MIS18BP1: variants seen among roughly 807,000 people sequenced by gnomAD.
MIS18BP1 encodes the protein MIS18 binding protein 1.
In MIS18BP1, 72 loss-of-function variants were observed where a neutral mutation model predicts 116.1. The ratio of observed to expected loss-of-function variants is 0.62; its 90% confidence interval spans 0.51 to 0.75. MIS18BP1 has a LOEUF of 0.75. Ranked by LOEUF, MIS18BP1 falls within the 30% of genes least tolerant of loss-of-function variation. MIS18BP1 has a pLI of 0.00. For synonymous variants in MIS18BP1, 386 were observed against 427.0 expected, an observed-to-expected ratio of 0.90 and a Z score of 1.18; for missense variants, 1,363 against 1,303.2, an observed-to-expected ratio of 1.05 and a Z score of -0.71.
intron 14 of MIS18BP1, among the ~76,000 whole-genome samples, chr14:45,207,113 A>G (rs2139137084): frequency 6.6e-6 from 1 of 152,310 alleles, no homozygotes; most frequent in East Asian, 1.9e-4. Context: ...TTAAAAGCCA[A>G]GTAGAATTGT....
chr14:45,220,573 T>A (rs1457540715), intron 11 of MIS18BP1, among the ~76,000 whole-genome samples: 4 of 152,178 alleles, frequency 2.6e-5, no homozygotes, highest in African/African-American at 9.7e-5. Context: ...CAGAATGTCA[T>A]ATAAATGGAA....
Position 45,242,992 on chromosome 14 carries a change from T to C in MIS18BP1, c.545-118A>G, listed in dbSNP as rs1183707122. 4 of 636,760 alleles carry C rather than the reference T, an allele frequency of 6.3e-6. No homozygotes were observed. The South Asian group carries it at 6.8e-5, about 11-fold the overall frequency. The allele number at this position is 636,760 out of a possible 1,614,324, so 39.4% of individuals were successfully genotyped here. Reference sequence around the variant, plus strand: ...AGATTTAGTAATGATCAGACCAGTATAGTACTTTTGCAATATATGACAGTT... The same window carrying C: ...AGATTTAGTAATGATCAGACCAGTACAGTACTTTTGCAATATATGACAGTT... On this transcript the variant is annotated intron_variant, in intron 2 of 16. Transcript: ENST00000310806.
chr14:45,220,775 C>A (rs1386546168), intron 11 of MIS18BP1, among the ~76,000 whole-genome samples: 1 of 152,142 alleles, frequency 6.6e-6, no homozygotes, highest in African/African-American at 2.4e-5. Flanking sequence ...CATAGCAACC[C>A]TTTAAAGTTG....
Position 45,242,558 on chromosome 14 carries a change from A to G in MIS18BP1, c.659-40T>C. 1.9e-6 allele frequency: 3 copies of G among 1,539,114 alleles called. No homozygotes were observed. The South Asian group carries it at 3.9e-5, about 20-fold the overall frequency. ...AAACAAAACAAAACAAAACAATTAT[A>G]GAAGGATCACAGGAAATTAAAAGAG... On this transcript the variant is annotated intron_variant, in intron 3 of 16. Coordinates refer to ENST00000310806, the MANE Select transcript of MIS18BP1 (RefSeq NM_018353.5).
chr14:45,253,134 G>C lies in MIS18BP1; in HGVS notation c.-191C>G, dbSNP rs1891928768. The C allele has an allele frequency of 6.6e-6, 1 of 152,310 alleles. No individual in the cohort carries two copies. The highest frequency in any genetic ancestry group is 1.5e-5 in the Non-Finnish European group (1 of 68,086). The allele number at this position is 152,310 out of a possible 1,614,324, so 9.4% of individuals were successfully genotyped here. A position where few individuals can be genotyped will look rare whatever the true frequency, so the allele number is the denominator to read the frequency against. ...CGCCGGGCTCGCGCCTCAGGCCCAC[G>C]GTGTATCCTGCCCGCGGCGGCCAGG... On this transcript the variant is annotated 5_prime_UTR_variant, in exon 1 of 17. Coordinates refer to ENST00000310806, the MANE Select transcript of MIS18BP1 (RefSeq NM_018353.5).
intron 8 of MIS18BP1, among the ~76,000 whole-genome samples, chr14:45,229,088 A>G (rs757068840): frequency 3.9e-5 from 6 of 152,074 alleles, no homozygotes; most frequent in Non-Finnish European, 7.4e-5. Flanking sequence ...TGATGCAATC[A>G]TAACAGAATA....
At chr14:45,241,600 T>C (rs1170167280) in intron 4 of MIS18BP1, 1 of 155,346 alleles carries the variant, frequency 6.4e-6, no homozygotes, top group African/African-American at 2.4e-5. Flanking sequence ...TTTAATGCTC[T>C]AAAGTCTTTC....
intron 1 of MIS18BP1, chr14:45,250,285 A>C (rs900172033): frequency 6.6e-6 from 1 of 152,202 alleles, no homozygotes; most frequent in African/African-American, 2.4e-5. Context: ...ATATAAGCCA[A>C]GAAAAAAATC....
chr14:45,252,891 G>T (rs1030344857), intron 1 of MIS18BP1, 144 bp downstream of exon 1: 1 of 152,210 alleles, frequency 6.6e-6, no homozygotes, highest in Non-Finnish European at 1.5e-5. Flanking sequence ...AACATCGAGT[G>T]CGAAGTATAA....
intron 4 of MIS18BP1, among the ~76,000 whole-genome samples, chr14:45,240,211 G>A (rs1278409754): frequency 6.6e-6 from 1 of 152,024 alleles, no homozygotes; most frequent in African/African-American, 2.4e-5. Flanking sequence ...GGGCTGATCT[G>A]CAGTAATTCC....
rs1204388491 is a variant in MIS18BP1, at chr14:45,232,727, T to C, written c.1436+6A>G. On this transcript the variant is annotated splice_donor_region_variant and intron_variant, in intron 7 of 16. Transcript: ENST00000310806. ...TGACTTCTAAAAACATAAAACAACA[T>C]TTTACCTTAATTGTTCCAGAAAATT... 4.3e-6 allele frequency: 6 copies of C among 1,398,722 alleles called. No individual in the cohort carries two copies. The highest frequency in any genetic ancestry group is 5.9e-6 in the Non-Finnish European group (6 of 1,019,790). The allele number at this position is 1,398,722 out of a possible 1,614,324, so 86.6% of individuals were successfully genotyped here.
At chr14:45,244,310 A>G (rs1224088943) in intron 2 of MIS18BP1, among the ~76,000 whole-genome samples, 1 of 152,214 alleles carries the variant, frequency 6.6e-6, no homozygotes, top group Admixed American at 6.5e-5. Context: ...CATGTAAAAT[A>G]TCTTTCATTA....
intron 1 of MIS18BP1, among the ~76,000 whole-genome samples, chr14:45,252,366 AAAGT>A (rs1384086186): frequency 6.6e-6 from 1 of 152,232 alleles, no homozygotes; most frequent in African/African-American, 2.4e-5. Flanking sequence ...ATTGAAAAAG[AAAGT>A]AACAACATAG....
rs1186721034 is a variant in MIS18BP1 at position 45,228,762 on chromosome 14, T to C, written c.1595-948A>G. ...AGGAAGCTTCTATTATGATAGGTCATTTATCATATACTCTGGTAAGTGTAA... is the reference window on the plus strand; with the variant it reads ...AGGAAGCTTCTATTATGATAGGTCACTTATCATATACTCTGGTAAGTGTAA... On this transcript the variant is annotated intron_variant, in intron 8 of 16. Transcript: ENST00000310806. 2.0e-5 allele frequency among the ~76,000 whole-genome samples: 3 copies of C among 152,238 alleles called. No individual in the cohort carries two copies. The East Asian group carries it at 5.8e-4, about 29-fold the overall frequency.
At position 45,235,872 on chromosome 14, in the gene MIS18BP1, T is replaced by C. The variant is rs746396392; in HGVS notation, c.1290A>G (p.Ile430Met). ...ERIEHNKLRT[I>M]SGNVYILKGM... ...CTTTTAATATATAAACGTTGCCTGATATAGTCCTAAGTTTGTTGTGCTCAA... is the reference window on the plus strand; with the variant it reads ...CTTTTAATATATAAACGTTGCCTGACATAGTCCTAAGTTTGTTGTGCTCAA... The change falls in exon 6 of 17, where the codon ATA becomes ATG. Residue 430 changes from isoleucine to methionine, a missense_variant. Coordinates refer to ENST00000310806, the MANE Select transcript of MIS18BP1 (RefSeq NM_018353.5). The C allele has an allele frequency of 3.7e-6, 6 of 1,611,594 alleles. No homozygotes were observed. Among genetic ancestry groups the C allele is most frequent in the Non-Finnish European group, 5.1e-6 (6 of 1,178,340 alleles).
chr14:45,208,499 A>AT (rs1407555752), intron 14 of MIS18BP1, among the ~76,000 whole-genome samples: 3 of 151,786 alleles, frequency 2.0e-5, no homozygotes, highest in Admixed American at 6.6e-5. Context: ...CATCCGGCTA[A>AT]TTTTTTGTAT....
At chr14:45,224,787 A>AT (rs1891081695) in intron 10 of MIS18BP1, 41 bp from the exon 11 acceptor site, 13 of 1,356,522 alleles carry the variant, frequency 9.6e-6, no homozygotes, top group Non-Finnish European at 1.2e-5. Flanking sequence ...AAAATCTCAA[A>AT]TTAGCTATAA....
At position 45,224,422 on chromosome 14, in the gene MIS18BP1, A is replaced by T; in HGVS notation, c.2165T>A (p.Val722Asp). Reference protein sequence around the residue: ...EDCDERDLLTVNRKIKISNLE... With the variant: ...EDCDERDLLTDNRKIKISNLE... Reference sequence around the variant, plus strand: ...GTTAGATATTTTTATTTTCCGGTTGACAGTAAGTAAGTCACGTTCATCGCA... The same window carrying T: ...GTTAGATATTTTTATTTTCCGGTTGTCAGTAAGTAAGTCACGTTCATCGCA... The change falls in exon 11 of 17, where the codon GTC becomes GAC. Residue 722 changes from valine to aspartate, a missense_variant. Physicochemically the swap from Val to Asp is radical, Grantham distance 152. Transcript: ENST00000310806. The T allele has an allele frequency of 6.2e-7, 1 of 1,613,858 alleles. No individual in the cohort carries two copies. Among genetic ancestry groups the T allele is most frequent in the Non-Finnish European group, 8.5e-7 (1 of 1,179,942 alleles).
intron 11 of MIS18BP1, among the ~76,000 whole-genome samples, chr14:45,222,582 G>A (rs989927389): frequency 6.6e-6 from 1 of 152,162 alleles, no homozygotes; most frequent in Non-Finnish European, 1.5e-5. Flanking sequence ...GCTCTGCAGT[G>A]CTGTTAGGAT....
Sources: gnomAD v4.1 joint callset for allele counts (sites outside exome capture counted in the v4.1 genomes callset) on GRCh38, gnomAD v4.1.1 for gene constraint, MANE v1.5 for transcripts, NCBI Gene and HGNC (gene_info 2026-07-23, HGNC 2026-07-21) for gene names.